Variants in CEP85L observed in about 807,000 individuals in gnomAD.
CEP85L encodes the protein centrosomal protein 85L.
In CEP85L, 60 loss-of-function variants were observed where a neutral mutation model predicts 100.3. The observed-to-expected ratio is 0.60, with a 90% CI of 0.49 to 0.74. CEP85L has a LOEUF of 0.74. Ranked by LOEUF, CEP85L falls within the 30% of genes least tolerant of loss-of-function variation. CEP85L has a pLI of 0.00. For missense variants in CEP85L, 973 were observed against 936.2 expected (o/e 1.04, Z -0.51); for synonymous variants, 319 against 322.7 (o/e 0.99, Z 0.12).
intron 1 of CEP85L, among the ~76,000 whole-genome samples, chr6:118,671,441 AAAG>A (rs1776301327): frequency 5.3e-5 from 8 of 152,164 alleles, no homozygotes; most frequent in Admixed American, 5.2e-4. Flanking sequence ...GAGAATACAT[AAAG>A]CACTACTGTT....
chr6:118,607,195 C>T (rs1213965595), intron 2 of CEP85L, among the ~76,000 whole-genome samples: 1 of 152,186 alleles, frequency 6.6e-6, no homozygotes, highest in Non-Finnish European at 1.5e-5. Context: ...GCCCCATCAT[C>T]TTTAATCCAA....
At chr6:118,585,407 A>G (rs1427753403) in intron 2 of CEP85L, among the ~76,000 whole-genome samples, 1 of 152,246 alleles carries the variant, frequency 6.6e-6, no homozygotes, top group Non-Finnish European at 1.5e-5. Context: ...AAAAGGGAAC[A>G]GATGAGGTAG....
intron 6 of CEP85L, chr6:118,491,467 A>G: frequency 5.5e-6 from 7 of 1,270,688 alleles, no homozygotes; most frequent in Non-Finnish European, 7.0e-6. Context: ...AGATTTTACT[A>G]TTTGTTAGAA....
intron 6 of CEP85L, 102 bp from the exon 7 acceptor site, chr6:118,483,960 T>G: frequency 9.4e-7 from 1 of 1,068,444 alleles, no homozygotes; most frequent in South Asian, 1.6e-5. Flanking sequence ...ACCAACAGTT[T>G]CAGGTTATAG....
At chr6:118,578,403 G>A (rs1312859615) in intron 2 of CEP85L, among the ~76,000 whole-genome samples, 1 of 152,180 alleles carries the variant, frequency 6.6e-6, no homozygotes, top group Non-Finnish European at 1.5e-5. Flanking sequence ...CTAGCCAATG[G>A]GGAAAGGACA....
chr6:118,643,960 T>C (rs775495628), intron 1 of CEP85L, among the ~76,000 whole-genome samples: 2 of 152,186 alleles, frequency 1.3e-5, no homozygotes, highest in African/African-American at 2.4e-5. Context: ...ACCCCTAGTT[T>C]TAAAACTGAA....
At chr6:118,657,455 T>TA (rs904630760), upstream of CEP85L, among the ~76,000 whole-genome samples, 11 of 151,856 alleles carry the variant, frequency 7.2e-5, no homozygotes, top group South Asian at 4.2e-4. Flanking sequence ...CCCTCTCTAC[T>TA]AAAAAAATAC....
At position 118,590,396 on chromosome 6, in the gene CEP85L, A is replaced by G. The variant is rs141424011; in HGVS notation, c.233-24080T>C. 2.7e-3 allele frequency among the ~76,000 whole-genome samples: 413 copies of G among 152,272 alleles called. 3 individuals are homozygous for G. Among genetic ancestry groups the G allele is most frequent in the African/African-American group, 9.6e-3 (399 of 41,550 alleles). On this transcript the variant is annotated intron_variant, in intron 2 of 12. Transcript: ENST00000368491. Reference sequence around the variant, plus strand: ...AGCCATCAGAAACTGGGTCCACTCAATACAGCGATTCCTGCCTCAACTTCT... The same window carrying G: ...AGCCATCAGAAACTGGGTCCACTCAGTACAGCGATTCCTGCCTCAACTTCT...
intron 2 of CEP85L, among the ~76,000 whole-genome samples, chr6:118,570,121 C>T (rs1464784868): frequency 6.6e-6 from 1 of 151,920 alleles, no homozygotes; most frequent in Non-Finnish European, 1.5e-5. Flanking sequence ...GAGAAAAGAT[C>T]CGAAAGAATA....
intron 3 of CEP85L, among the ~76,000 whole-genome samples, chr6:118,533,922 C>T (rs1777437263): frequency 6.6e-6 from 1 of 152,090 alleles, no homozygotes. Context: ...TGGTGAAACC[C>T]CGTCTCTACT....
chr6:118,589,415 C>A (rs1270560848), intron 2 of CEP85L: 3 of 257,864 alleles, frequency 1.2e-5, no homozygotes, highest in Non-Finnish European at 2.5e-5. Context: ...GCCCAAGAAG[C>A]CAGCAGAGGA....
chr6:118,581,219 C>T (rs1240583925), intron 2 of CEP85L, among the ~76,000 whole-genome samples: 1 of 152,110 alleles, frequency 6.6e-6, no homozygotes, highest in Non-Finnish European at 1.5e-5. Context: ...CATTTGGTTC[C>T]TACATTTCTT....
At chr6:118,661,939 G>C (rs1775986825) in intron 1 of CEP85L, among the ~76,000 whole-genome samples, 1 of 152,188 alleles carries the variant, frequency 6.6e-6, no homozygotes, top group African/African-American at 2.4e-5. Flanking sequence ...AAAGCAAGAG[G>C]TGCCAGCACC....
At chr6:118,539,954 C>T (rs1015769554) in intron 3 of CEP85L, among the ~76,000 whole-genome samples, 6 of 151,702 alleles carry the variant, frequency 4.0e-5, no homozygotes, top group Admixed American at 3.9e-4. Flanking sequence ...CAGGAGTCAA[C>T]AATAATCTCA....
At chr6:118,556,069 G>A (rs903842924) in intron 3 of CEP85L, among the ~76,000 whole-genome samples, 2 of 152,096 alleles carry the variant, frequency 1.3e-5, no homozygotes, top group African/African-American at 4.8e-5. Flanking sequence ...CACTTAGGCC[G>A]GTTCATGTCT....
At chr6:118,581,350 G>A (rs1257083834) in intron 2 of CEP85L, among the ~76,000 whole-genome samples, 1 of 152,106 alleles carries the variant, frequency 6.6e-6, no homozygotes, top group African/African-American at 2.4e-5. Context: ...CATAATAGCA[G>A]GATATAGAGT....
intron 10 of CEP85L, among the ~76,000 whole-genome samples, chr6:118,472,557 C>G (rs1043204801): frequency 3.9e-5 from 6 of 152,080 alleles, no homozygotes; most frequent in Non-Finnish European, 4.4e-5. Context: ...TAAAAGATAA[C>G]AAGAAAAATT....
At chr6:118,543,407 C>A (rs964819324) in intron 3 of CEP85L, among the ~76,000 whole-genome samples, 1 of 151,906 alleles carries the variant, frequency 6.6e-6, no homozygotes, top group Non-Finnish European at 1.5e-5. Context: ...TCTTATTGAG[C>A]CTTCTAAGGG....
At chr6:118,528,247 G>GA (rs1011704181) in intron 3 of CEP85L, among the ~76,000 whole-genome samples, 1 of 148,704 alleles carries the variant, frequency 6.7e-6, no homozygotes, top group Non-Finnish European at 1.5e-5. Flanking sequence ...TTGGCATCAA[G>GA]AAAAAGATTA....
Sources: gnomAD v4.1 joint callset for allele counts (sites outside exome capture counted in the v4.1 genomes callset) on GRCh38, gnomAD v4.1.1 for gene constraint, MANE v1.5 for transcripts, NCBI Gene and HGNC (gene_info 2026-07-23, HGNC 2026-07-21) for gene names.